The following UROC1 variants were observed in gnomAD, a reference collection of about 807,000 sequenced individuals.
UROC1 encodes the protein urocanate hydratase.
A neutral mutation model predicts 89.5 loss-of-function variants in UROC1; 79 were observed. That is an observed-to-expected ratio of 0.88 (90% CI 0.74 to 1.06). The LOEUF is 1.06. Ranked by LOEUF, UROC1 falls within the 50% of genes least tolerant of loss-of-function variation. The pLI, the probability that UROC1 is intolerant of heterozygous loss-of-function variation, is 0.00. For synonymous variants in UROC1, 361 were observed against 354.8 expected, an observed-to-expected ratio of 1.02 and a Z score of -0.20; for missense variants, 885 against 907.8, an observed-to-expected ratio of 0.97 and a Z score of 0.32.
In UROC1 at chr3:126,483,473, A is replaced by G; in HGVS notation, c.1791-5T>C. On this transcript the variant is annotated splice_polypyrimidine_tract_variant and splice_region_variant and intron_variant, in intron 18 of 19. Transcript: ENST00000290868. ...CCCCCGTTGATCACCTCACCCCTGC[A>G]GGAGGCAGAGGAGTTTCCAGTTCAT... 6.2e-7 allele frequency: 1 copy of G among 1,613,226 alleles called. No individual in the cohort carries two copies. Among genetic ancestry groups the G allele is most frequent in the Non-Finnish European group, 8.5e-7 (1 of 1,179,606 alleles).
At chr3:126,495,014 C>T (rs1456482640) in intron 15 of UROC1, among the ~76,000 whole-genome samples, 3 of 152,168 alleles carry the variant, frequency 2.0e-5, no homozygotes, top group Non-Finnish European at 4.4e-5. Flanking sequence ...GAACCACTCA[C>T]CCCAGGTCAC....
rs1163971430 is a variant in UROC1, at chr3:126,481,429, A to G, written c.*916T>C. The G allele has an allele frequency of 6.6e-6, 1 of 152,132 alleles. No homozygotes were observed. The highest frequency in any genetic ancestry group is 1.9e-4 in the East Asian group (1 of 5,154). 9.4% of individuals were successfully genotyped at this position (152,132 alleles called of 1,614,324 possible). ...GACCAAGAACCCGGCTTGGTCCTGGAGAGGGCAGTGGCCTGCCCCTCTCCA... is the reference window on the plus strand; with the variant it reads ...GACCAAGAACCCGGCTTGGTCCTGGGGAGGGCAGTGGCCTGCCCCTCTCCA... On this transcript the variant is annotated 3_prime_UTR_variant, in exon 20 of 20. Transcript: ENST00000290868.
intron 4 of UROC1, 152 bp from the exon 5 acceptor site, chr3:126,508,247 C>A: frequency 6.8e-7 from 1 of 1,478,990 alleles, no homozygotes; most frequent in Non-Finnish European, 9.4e-7. Context: ...CACCACCTCG[C>A]CCATTCCTAT....
chr3:126,503,326 T>G (rs1274486088), intron 9 of UROC1, among the ~76,000 whole-genome samples: 1 of 152,250 alleles, frequency 6.6e-6, no homozygotes, highest in Non-Finnish European at 1.5e-5. Context: ...GGGCAACCAC[T>G]GCACCGATGT....
chr3:126,506,050 AG>A (rs780261061), intron 6 of UROC1, 39 bp from the exon 7 acceptor site: 1 of 1,612,662 alleles, frequency 6.2e-7, no homozygotes, highest in Admixed American at 1.7e-5. Context: ...GGGCTCAGCC[AG>A]TGCCAGGCCC....
rs755746087 is a variant in UROC1 at position 126,489,330 on chromosome 3, C to A, written c.1654G>T (p.Asp552Tyr). 1 of 1,613,548 alleles carries A rather than the reference C, an allele frequency of 6.2e-7. No individual in the cohort carries two copies. Among genetic ancestry groups the A allele is most frequent in the Non-Finnish European group, 8.5e-7 (1 of 1,180,018 alleles). The part of the protein sequence containing the change: ...SRDHHDVSGT[D>Y]SPFRETSNIY... ...TTGGAGGTCTCCCTAAAGGGGCTGT[C>A]GGTGCCGCTCACGTCATGGTGATCT... The change falls in exon 17 of 20, where the codon GAC (aspartate) becomes TAC (tyrosine). Residue 552 changes from aspartate to tyrosine, a missense_variant. Physicochemically the swap from Asp to Tyr is radical, Grantham distance 160. Transcript: ENST00000290868.
intron 9 of UROC1, among the ~76,000 whole-genome samples, chr3:126,502,746 A>G (rs1935963211): frequency 8.9e-6 from 1 of 112,560 alleles, no homozygotes; most frequent in Non-Finnish European, 1.9e-5. Flanking sequence ...ATGTGCATGC[A>G]TGTGTATGTT....
intron 12 of UROC1, among the ~76,000 whole-genome samples, chr3:126,499,836 T>A (rs970948840): frequency 9.8e-5 from 15 of 152,336 alleles, no homozygotes; most frequent in Middle Eastern, 3.4e-3. Context: ...TGGGACTTTA[T>A]GTTCCTAAAG....
chr3:126,509,819 G>T, intron 2 of UROC1, 141 bp from the exon 3 acceptor site: 2 of 820,182 alleles, frequency 2.4e-6, no homozygotes, highest in Non-Finnish European at 2.0e-6. Context: ...TACAGTGGGG[G>T]CTCCAGAGCC....
intron 11 of UROC1, 42 bp from the exon 12 acceptor site, chr3:126,500,196 G>A: frequency 1.3e-6 from 2 of 1,598,260 alleles, no homozygotes; most frequent in South Asian, 1.1e-5. Context: ...GTGAGGCCCT[G>A]GGGCCTCCCC....
At chr3:126,510,636 C>A (rs1485542636) in intron 2 of UROC1, 28 bp downstream of exon 2, 1 of 1,612,824 alleles carries the variant, frequency 6.2e-7, no homozygotes, top group Admixed American at 1.7e-5. Flanking sequence ...CCCTCGGGTC[C>A]CTTTGAAGCT....
chr3:126,497,585 T>G (rs1177919617), intron 14 of UROC1, among the ~76,000 whole-genome samples: 1 of 152,224 alleles, frequency 6.6e-6, no homozygotes, highest in Non-Finnish European at 1.5e-5. Flanking sequence ...CTAGAAGCAC[T>G]GCTGTCAGCA....
chr3:126,488,047 G>A (rs750630921), intron 18 of UROC1, 151 bp downstream of exon 18: 31 of 879,414 alleles, frequency 3.5e-5, no homozygotes, highest in East Asian at 9.7e-5. Flanking sequence ...CTCCGCTCAC[G>A]CAAGGAACAC....
At chr3:126,486,141 G>A (rs1162175184) in intron 18 of UROC1, among the ~76,000 whole-genome samples, 1 of 152,226 alleles carries the variant, frequency 6.6e-6, no homozygotes, top group African/African-American at 2.4e-5. Flanking sequence ...CAGAGGTAAA[G>A]TTGGAAACAC....
At chr3:126,509,487 A>G (rs1225195207) in intron 3 of UROC1, 98 bp downstream of exon 3, 8 of 1,201,014 alleles carry the variant, frequency 6.7e-6, no homozygotes, top group African/African-American at 1.5e-5. Context: ...CTGTGAATCT[A>G]TAATTATCTC....
chr3:126,489,104 T>C (rs1935585361), intron 17 of UROC1, among the ~76,000 whole-genome samples, 172 bp downstream of exon 17: 1 of 152,152 alleles, frequency 6.6e-6, no homozygotes, highest in Non-Finnish European at 1.5e-5. Context: ...CTTACCGGTT[T>C]TACAACTGGA....
chr3:126,492,478 C>G lies in UROC1; in HGVS notation c.1548G>C (p.Gln516His), dbSNP rs1439443573. 1 of 1,613,358 alleles carries G rather than the reference C, an allele frequency of 6.2e-7. No homozygotes were observed. The highest frequency in any genetic ancestry group is 8.5e-7 in the Non-Finnish European group (1 of 1,179,994). ...CCACAGCGATGGCCACGCGGCCCTT[C>G]TGGTCTGAGTACAGGATCCTTGCCT... ...GSQARILYSDQKGRVAIAVAI... is the reference protein window; with the variant it reads ...GSQARILYSDHKGRVAIAVAI... Residue 516 changes from glutamine to histidine, a missense_variant, in exon 16 of 20, where the codon CAG becomes CAC. Coordinates refer to ENST00000290868, the MANE Select transcript of UROC1 (RefSeq NM_144639.3).
intron 18 of UROC1, among the ~76,000 whole-genome samples, chr3:126,487,097 G>C (rs956367346): frequency 3.3e-5 from 5 of 152,312 alleles, no homozygotes; most frequent in African/African-American, 1.2e-4. Context: ...CCTCAGGGCT[G>C]CCTGAATTCT....
intron 10 of UROC1, 115 bp from the exon 11 acceptor site, chr3:126,500,989 GC>G: frequency 6.9e-7 from 1 of 1,442,588 alleles, no homozygotes. Flanking sequence ...AGCAGGCACA[GC>G]CCGAGCCAGA....
Sources: allele counts gnomAD v4.1 joint callset (sites outside exome capture counted in the v4.1 genomes callset), GRCh38; gene constraint gnomAD v4.1.1; transcripts MANE v1.5; gene names NCBI Gene and HGNC (gene_info 2026-07-23, HGNC 2026-07-21).